The following AP3B1 variants were observed in gnomAD, a reference collection of about 807,000 sequenced individuals.
AP3B1 encodes adaptor related protein complex 3 subunit beta 1.
Under a neutral mutation model 132.5 loss-of-function variants are expected in AP3B1, and 61 were observed. The ratio of observed to expected loss-of-function variants is 0.46; its 90% CI spans 0.37 to 0.57. The LOEUF (loss-of-function observed/expected upper bound fraction) is 0.57, where lower values mean the gene tolerates loss of function less well. Ranked by LOEUF, AP3B1 falls within the 20% of genes least tolerant of loss-of-function variation. The pLI is 0.00. For missense variants in AP3B1, 1,120 were observed against 1,289.4 expected (o/e 0.87, Z 2.01); for synonymous variants, 388 against 438.3 (o/e 0.89, Z 1.43).
chr5:78,193,450 A>C (rs1049307959), intron 7 of AP3B1, among the ~76,000 whole-genome samples: 1 of 151,962 alleles, frequency 6.6e-6, no homozygotes, highest in Non-Finnish European at 1.5e-5. Flanking sequence ...GAGTAAAAAT[A>C]AATGAATTTG....
chr5:78,077,390 G>C (rs1441072914), intron 22 of AP3B1, among the ~76,000 whole-genome samples: 1 of 152,104 alleles, frequency 6.6e-6, no homozygotes, highest in African/African-American at 2.4e-5. Flanking sequence ...TGGGGTCTGT[G>C]GTAGCTGGAG....
intron 2 of AP3B1, among the ~76,000 whole-genome samples, chr5:78,254,355 A>C (rs1442031795): frequency 6.6e-6 from 1 of 152,172 alleles, no homozygotes; most frequent in African/African-American, 2.4e-5. Context: ...ATTCAAGTAC[A>C]AGAAGGTTAT....
At chr5:78,104,255 C>T (rs1034590979) in intron 20 of AP3B1, among the ~76,000 whole-genome samples, 1 of 152,080 alleles carries the variant, frequency 6.6e-6, no homozygotes, top group African/African-American at 2.4e-5. Flanking sequence ...AAATCTGAGG[C>T]TAACACTTAA....
At position 78,129,248 on chromosome 5, in the gene AP3B1, G is replaced by A. The variant is rs747917342; in HGVS notation, c.1710C>T (p.Ile570=). Residue 570 remains isoleucine, a synonymous_variant, in exon 16 of 27, where the codon ATC becomes ATT. Coordinates refer to ENST00000255194, the MANE Select transcript of AP3B1 (RefSeq NM_003664.5). ...GCCTAATAAATCTTGTACGGTCTCT[G>A]ATGTCGTAGTTTTGATCATACTTGC... ...NLGKYDQNYD[I]RDRTRFIRQL... 6.2e-7 allele frequency: 1 copy of A among 1,613,360 alleles called. No homozygotes were observed. The highest frequency in any genetic ancestry group is 1.7e-5 in the Admixed American group (1 of 59,988).
In AP3B1 at chr5:78,166,952, C is replaced by T. The variant is rs182870068; in HGVS notation, c.1168-1280G>A. ...GCTGGCTTAGGCAAAGACTTCATGACCCAAACCCAATAACAAATGCAACAA... is the reference window on the plus strand; with the variant it reads ...GCTGGCTTAGGCAAAGACTTCATGATCCAAACCCAATAACAAATGCAACAA... On this transcript the variant is annotated intron_variant, in intron 11 of 26. Coordinates refer to ENST00000255194, the MANE Select transcript of AP3B1 (RefSeq NM_003664.5). 4.6e-3 allele frequency among the ~76,000 whole-genome samples: 705 copies of T among 152,232 alleles called. 5 individuals are homozygous for T. The highest frequency in any genetic ancestry group is 8.4e-3 in the Non-Finnish European group (569 of 68,012).
At chr5:78,098,149 G>A (rs1288601028) in intron 21 of AP3B1, among the ~76,000 whole-genome samples, 1 of 150,866 alleles carries the variant, frequency 6.6e-6, no homozygotes, top group Non-Finnish European at 1.5e-5. Flanking sequence ...ACTGCGGAAG[G>A]CCGCAGGGTC....
intron 24 of AP3B1, among the ~76,000 whole-genome samples, chr5:78,033,405 G>A (rs80350048): frequency 0.039 from 5,992 of 151,974 alleles, 392 homozygotes; most frequent in African/African-American, 0.13. Flanking sequence ...GCAGGTTCTC[G>A]GCAATAAAAG....
intron 22 of AP3B1, among the ~76,000 whole-genome samples, chr5:78,058,544 G>A (rs1748912067): frequency 6.6e-6 from 1 of 152,004 alleles, no homozygotes; most frequent in Non-Finnish European, 1.5e-5. Flanking sequence ...AGTAAAGTAA[G>A]TAAAAATTTT....
chr5:78,138,465 C>T (rs1220100825), intron 15 of AP3B1, among the ~76,000 whole-genome samples: 1 of 151,868 alleles, frequency 6.6e-6, no homozygotes, highest in African/African-American at 2.4e-5. Flanking sequence ...AGACTCTGCT[C>T]CAAAACAAAA....
chr5:78,145,898 G>A (rs1753370062), intron 14 of AP3B1, among the ~76,000 whole-genome samples: 1 of 152,140 alleles, frequency 6.6e-6, no homozygotes, highest in Admixed American at 6.5e-5. Flanking sequence ...GATGGACCCA[G>A]GATTCTGCCC....
intron 15 of AP3B1, among the ~76,000 whole-genome samples, chr5:78,132,662 C>T (rs993165779): frequency 2.0e-5 from 3 of 152,120 alleles, no homozygotes; most frequent in Non-Finnish European, 1.5e-5. Flanking sequence ...ATTAAATTAC[C>T]TTAATGCATA....
chr5:78,045,267 G>C (rs1279116962), intron 22 of AP3B1, among the ~76,000 whole-genome samples: 1 of 151,258 alleles, frequency 6.6e-6, no homozygotes, highest in African/African-American at 2.4e-5. Context: ...TGTAATTCCA[G>C]ATACTTGGGA....
intron 2 of AP3B1, among the ~76,000 whole-genome samples, chr5:78,244,617 A>T (rs1480276307): frequency 1.3e-5 from 2 of 152,172 alleles, no homozygotes; most frequent in African/African-American, 4.8e-5. Context: ...GGTTAGCAAT[A>T]TGCATTTGGA....
chr5:78,066,086 C>T (rs1298489357), intron 22 of AP3B1, among the ~76,000 whole-genome samples: 1 of 146,178 alleles, frequency 6.8e-6, no homozygotes, highest in South Asian at 2.2e-4. Flanking sequence ...AGAAGAGGGG[C>T]CCGACTGTTA....
rs193222032 is a variant in AP3B1 at position 78,272,766 on chromosome 5, A to C, written c.129-5171T>G. 2.4e-4 allele frequency among the ~76,000 whole-genome samples: 37 copies of C among 152,312 alleles called. No individual in the cohort carries two copies. In the Middle Eastern group the frequency reaches 0.014, roughly 56 times the overall value. ...TCAAATAAGAGAGTTAGTTATGCAG[A>C]TATCATGGGGAGCAAAGGGGGACAG... On this transcript the variant is annotated intron_variant, in intron 1 of 26. Coordinates refer to ENST00000255194, the MANE Select transcript of AP3B1 (RefSeq NM_003664.5).
intron 22 of AP3B1, among the ~76,000 whole-genome samples, chr5:78,078,562 C>T (rs1281221105): frequency 6.6e-6 from 1 of 152,116 alleles, no homozygotes; most frequent in African/African-American, 2.4e-5. Flanking sequence ...CTGGCCATTC[C>T]CTGGGCTGAA....
At chr5:78,213,815 T>C (rs1180272606) in intron 7 of AP3B1, among the ~76,000 whole-genome samples, 1 of 152,208 alleles carries the variant, frequency 6.6e-6, no homozygotes, top group African/African-American at 2.4e-5. Flanking sequence ...ACAACAATAA[T>C]AGGAATCAAA....
intron 8 of AP3B1, among the ~76,000 whole-genome samples, chr5:78,178,906 T>G (rs1253481173): frequency 6.6e-6 from 1 of 152,204 alleles, no homozygotes; most frequent in Non-Finnish European, 1.5e-5. Flanking sequence ...AAGTTTCTTC[T>G]GAAACTAAAG....
chr5:78,141,301 T>G lies in AP3B1; in HGVS notation c.1492A>C (p.Ser498Arg). 1 of 1,613,596 alleles carries G rather than the reference T, an allele frequency of 6.2e-7. No homozygotes were observed. Among genetic ancestry groups the G allele is most frequent in the Non-Finnish European group, 8.5e-7 (1 of 1,179,672 alleles). Residue 498 changes from serine (S) to arginine (R), a missense_variant, in exon 15 of 27, where the codon AGT becomes CGT. By Grantham distance (110) the Ser-to-Arg change is moderately radical. Transcript: ENST00000255194. Reference protein sequence around the residue: ...DSITVPVARASILWLIGENCE... With the variant: ...DSITVPVARARILWLIGENCE... ...TTTTCTCCAATTAGCCAAAGAATAC[T>G]TGCTCTAGCAACAGGAACCTAATAT...
Sources: allele counts gnomAD v4.1 joint callset (sites outside exome capture counted in the v4.1 genomes callset), GRCh38; gene constraint gnomAD v4.1.1; transcripts MANE v1.5; gene names NCBI Gene and HGNC (gene_info 2026-07-23, HGNC 2026-07-21).